The following AHCTF1 variants were observed in gnomAD, a reference collection of about 807,000 sequenced individuals.
The protein encoded by AHCTF1 is AT-hook containing transcription factor 1, also known as protein ELYS.
A neutral mutation model predicts 248.4 loss-of-function variants in AHCTF1; 24 were observed. That is an observed-to-expected ratio of 0.10 (90% CI 0.07 to 0.14). The LOEUF (loss-of-function observed/expected upper bound fraction) is 0.14. AHCTF1 is among the 10% of genes least tolerant of loss of function. The pLI, the probability that AHCTF1 is intolerant of heterozygous loss-of-function variation, is 1.00. For missense variants in AHCTF1, 2,206 were observed against 2,636.2 expected (o/e 0.84, Z 3.57); for synonymous variants, 786 against 929.8 (o/e 0.85, Z 2.81).
intron 21 of AHCTF1, among the ~76,000 whole-genome samples, chr1:246,877,918 TA>T (rs1663093728): frequency 6.6e-6 from 1 of 152,072 alleles, no homozygotes; most frequent in South Asian, 2.1e-4. Context: ...TACTGTTATT[TA>T]TTTATTTTTA....
intron 19 of AHCTF1, 77 bp downstream of exon 19, chr1:246,888,100 A>G (rs1663955933): frequency 6.7e-7 from 1 of 1,481,570 alleles, no homozygotes; most frequent in African/African-American, 1.4e-5. Flanking sequence ...GCAATTAGAT[A>G]TGTCAGGTTT....
rs1659704719 is a variant in AHCTF1 at position 246,839,647 on chromosome 1, T to G, written c.*1159A>C. On this transcript the variant is annotated 3_prime_UTR_variant, in exon 36 of 36. Coordinates refer to ENST00000648844, the MANE Select transcript of AHCTF1 (RefSeq NM_001323342.2). ...AGAAAAATAAATGCAGAAAGCACAC[T>G]GCATATGCTTCACATTAAAATATTA... 3 of 769,586 alleles carry G rather than the reference T, an allele frequency of 3.9e-6. No homozygotes were observed. Among genetic ancestry groups the G allele is most frequent in the Non-Finnish European group, 3.2e-6 (2 of 632,638 alleles). The allele number at this position is 769,586 out of a possible 1,614,324, so 47.7% of individuals were successfully genotyped here.
At position 246,902,573 on chromosome 1, in the gene AHCTF1, T is replaced by A; in HGVS notation, c.1069A>T (p.Ile357Leu). ...TCACCATGAGATCGAAATTTCTCTA[T>A]ACTCTGGCATCCCAACAATTTGGTA... ...SNTKLLGCQS[I>L]EKFRSHGDRE... Residue 357 changes from isoleucine (I) to leucine (L), a missense_variant, in exon 8 of 36, where the codon ATA becomes TTA. Coordinates refer to ENST00000648844, the MANE Select transcript of AHCTF1 (RefSeq NM_001323342.2). The A allele has an allele frequency of 6.2e-7, 1 of 1,612,216 alleles. No individual in the cohort carries two copies. The highest frequency in any genetic ancestry group is 8.5e-7 in the Non-Finnish European group (1 of 1,179,812).
intron 4 of AHCTF1, among the ~76,000 whole-genome samples, chr1:246,911,437 T>C (rs1056492574): frequency 2.6e-5 from 4 of 151,788 alleles, no homozygotes; most frequent in African/African-American, 9.7e-5. Flanking sequence ...CAGGTTTGTA[T>C]ACATACCAAA....
Position 246,849,983 on chromosome 1 carries a change from C to T in AHCTF1, c.6023G>A (p.Arg2008Lys), listed in dbSNP as rs751050073. 3.7e-6 allele frequency: 6 copies of T among 1,613,950 alleles called. No homozygotes were observed. The highest frequency in any genetic ancestry group is 2.2e-5 in the South Asian group (2 of 91,062). Residue 2008 changes from arginine to lysine, a missense_variant, in exon 33 of 36, where the codon AGA becomes AAA. By Grantham distance (26) the Arg-to-Lys change is conservative (BLOSUM62 2). Coordinates refer to ENST00000648844, the MANE Select transcript of AHCTF1 (RefSeq NM_001323342.2). ...TTTAGCTGGGGTATTTCTTGTAGAT[C>T]TCCTTCTAATGCTGGGAGCTTCTTT... is the stretch of plus-strand genomic sequence containing the variant. ...KKKEAPSIRR[R>K]STRNTPAKSE...
At position 246,867,900 on chromosome 1, in the gene AHCTF1, C is replaced by CA. The variant is rs1293860464; in HGVS notation, c.3089-90_3089-89insT. On this transcript the variant is annotated intron_variant, in intron 24 of 35. Coordinates refer to ENST00000648844, the MANE Select transcript of AHCTF1 (RefSeq NM_001323342.2). ...ATGAAAGAATGATTACACCCCCCCC[C>CA]CCACACACACACACACACACATTAC... is the stretch of plus-strand genomic sequence containing the variant. 4.7e-4 allele frequency: 249 copies of CA among 532,278 alleles called. 2 individuals carry two copies. Among genetic ancestry groups the CA allele is most frequent in the African/African-American group, 1.9e-3 (42 of 21,592 alleles). 33.0% of individuals were successfully genotyped at this position (532,278 alleles called of 1,614,324 possible).
At chr1:246,895,067 A>G (rs957155365) in intron 13 of AHCTF1, among the ~76,000 whole-genome samples, 1 of 152,216 alleles carries the variant, frequency 6.6e-6, no homozygotes, top group Non-Finnish European at 1.5e-5. Context: ...ACAAAGTGAC[A>G]AAATGTACAA....
chr1:246,920,764 T>A (rs1274069730), intron 1 of AHCTF1, among the ~76,000 whole-genome samples: 5 of 136,186 alleles, frequency 3.7e-5, no homozygotes, highest in Admixed American at 7.5e-5. Flanking sequence ...AGCAAAACAC[T>A]GTCTCAAAAA....
intron 21 of AHCTF1, among the ~76,000 whole-genome samples, chr1:246,879,030 A>G (rs1663200066): frequency 6.6e-6 from 1 of 152,212 alleles, no homozygotes; most frequent in Admixed American, 6.5e-5. Flanking sequence ...ATTTTTGTAT[A>G]AAGAAAAATA....
At position 246,885,670 on chromosome 1, in the gene AHCTF1, T is replaced by C; in HGVS notation, c.2483A>G (p.Asp828Gly). The C allele has an allele frequency of 6.2e-7, 1 of 1,606,648 alleles. No homozygotes were observed. Among genetic ancestry groups the C allele is most frequent in the South Asian group, 1.1e-5 (1 of 90,554 alleles). Residue 828 changes from aspartate (D) to glycine (G), a missense_variant, in exon 21 of 36, where the codon GAT becomes GGT. Coordinates refer to ENST00000648844, the MANE Select transcript of AHCTF1 (RefSeq NM_001323342.2). ...TGCAGTAGCTGGATGAAACAAAAGA[T>C]CCAAACCACTCTGGAAATAACATGA... ...IDHNDYESGLDLLFHPATAKP... is the reference protein window; with the variant it reads ...IDHNDYESGLGLLFHPATAKP...
rs762732890 is a variant in AHCTF1, at chr1:246,888,534, A to T, written c.2145-17T>A. ...CACTTCCCTCTGCAATCAGGGAAAA[A>T]TTAAGACTTATTTAATATCACTGTT... On this transcript the variant is annotated splice_polypyrimidine_tract_variant and intron_variant, in intron 17 of 35. Transcript: ENST00000648844. 5.0e-6 allele frequency: 8 copies of T among 1,612,538 alleles called. No individual in the cohort carries two copies. Among genetic ancestry groups the T allele is most frequent in the Non-Finnish European group, 5.9e-6 (7 of 1,179,380 alleles).
At chr1:246,924,608 TC>T (rs1305745992) in intron 1 of AHCTF1, among the ~76,000 whole-genome samples, 2 of 151,806 alleles carry the variant, frequency 1.3e-5, no homozygotes, top group Admixed American at 6.6e-5. Context: ...CTTAGTCCCC[TC>T]CCCCAAAAAA....
chr1:246,868,021 G>A (rs911538987), intron 24 of AHCTF1, among the ~76,000 whole-genome samples: 4 of 151,192 alleles, frequency 2.6e-5, no homozygotes, highest in African/African-American at 9.7e-5. Context: ...GGAGGGCAGT[G>A]GCATGATCTC....
chr1:246,856,647 A>T (rs1266196625), intron 30 of AHCTF1, among the ~76,000 whole-genome samples: 1 of 152,230 alleles, frequency 6.6e-6, no homozygotes, highest in Non-Finnish European at 1.5e-5. Flanking sequence ...CCATTGCAAT[A>T]AATAACATTA....
At chr1:246,867,907 A>C (rs868252242) in intron 24 of AHCTF1, 96 bp from the exon 25 acceptor site, 5,321 of 304,924 alleles carry the variant, frequency 0.017, 179 homozygotes, top group African/African-American at 0.066. Context: ...CCCCCCACAC[A>C]CACACACACA....
At chr1:246,859,990 G>A (rs980686195) in intron 29 of AHCTF1, among the ~76,000 whole-genome samples, 8 of 152,230 alleles carry the variant, frequency 5.3e-5, no homozygotes, top group East Asian at 1.9e-4. Flanking sequence ...GGCAGGGCGC[G>A]GTGGCTCACG....
chr1:246,905,325 C>T (rs890175846), intron 6 of AHCTF1, among the ~76,000 whole-genome samples: 4 of 152,094 alleles, frequency 2.6e-5, no homozygotes, highest in Non-Finnish European at 4.4e-5. Flanking sequence ...TGGTGAAACC[C>T]CGTCTCTACT....
intron 7 of AHCTF1, among the ~76,000 whole-genome samples, chr1:246,903,051 A>G (rs1665117071): frequency 6.6e-6 from 1 of 152,226 alleles, no homozygotes; most frequent in South Asian, 2.1e-4. Context: ...CTTTTAGCTT[A>G]TTGATACCTT....
intron 35 of AHCTF1, among the ~76,000 whole-genome samples, chr1:246,841,261 A>G (rs1421588374): frequency 6.6e-6 from 1 of 152,160 alleles, no homozygotes; most frequent in Non-Finnish European, 1.5e-5. Context: ...TTTTCCTCTA[A>G]ATGTTTCAAA....
Sources: gnomAD v4.1 joint callset for allele counts (sites outside exome capture counted in the v4.1 genomes callset) on GRCh38, gnomAD v4.1.1 for gene constraint, MANE v1.5 for transcripts, NCBI Gene and HGNC (gene_info 2026-07-23, HGNC 2026-07-21) for gene names.